The following ZNF581 variants were observed in gnomAD, a reference collection of about 807,000 sequenced individuals.
ZNF581 encodes the protein zinc finger protein 581.
ZNF581 carries 1 observed loss-of-function variant against 1.2 expected under a neutral mutation model. The observed-to-expected ratio is 0.83, with a 90% CI of 0.30 to 3.95. ZNF581 has a LOEUF of 3.95. Ranked by LOEUF, ZNF581 falls within the 30% of genes most tolerant of loss-of-function variation. ZNF581 has a pLI of 0.18. For missense variants in ZNF581, 273 were observed against 274.6 expected, an observed-to-expected ratio of 0.99 and a Z score of 0.04; for synonymous variants, 105 against 109.2, an observed-to-expected ratio of 0.96 and a Z score of 0.24.
upstream of ZNF581, among the ~76,000 whole-genome samples, chr19:55,636,448 A>G (rs984382386): frequency 6.6e-6 from 1 of 152,066 alleles, no homozygotes; most frequent in African/African-American, 2.4e-5. Flanking sequence ...CTTGGGGTTG[A>G]GCAGGGGTTC....
rs979890517 is a variant in ZNF581, at chr19:55,644,022, C to G, written c.-20+248C>G. Among the ~76,000 whole-genome samples the G allele has an allele frequency of 2.0e-5, 3 of 152,194 alleles. No homozygotes were observed. Among genetic ancestry groups the G allele is most frequent in the Admixed American group, 6.5e-5 (1 of 15,274 alleles). Reference sequence around the variant, plus strand: ...AGGCCGGGCGAGGACTAGAGAGAACCTGAGGTGGGTGGACGGGTGGGAGCA... The same window carrying G: ...AGGCCGGGCGAGGACTAGAGAGAACGTGAGGTGGGTGGACGGGTGGGAGCA... On this transcript the variant is annotated intron_variant, in intron 1 of 1. Transcript: ENST00000270451. The surrounding 1 kb of genome is among the most constrained non-coding windows in gnomAD (Gnocchi z 4.3).
At chr19:55,642,827 C>G (rs780485166), upstream of ZNF581, 3 of 1,575,302 alleles carry the variant, frequency 1.9e-6, no homozygotes, top group African/African-American at 4.1e-5. Flanking sequence ...CCCTCTGCGG[C>G]TGCAGAGCCA....
chr19:55,636,672 G>C (rs190624427), upstream of ZNF581, among the ~76,000 whole-genome samples: 1 of 152,088 alleles, frequency 6.6e-6, no homozygotes, highest in Admixed American at 6.6e-5. Context: ...GTAGATCAAC[G>C]AGGCCATATC....
At chr19:55,643,152 GTTTC>G (rs750767686), upstream of ZNF581, 1 of 1,262,320 alleles carries the variant, frequency 7.9e-7, no homozygotes, top group Non-Finnish European at 1.0e-6. Flanking sequence ...CTGGGCCTCA[GTTTC>G]CCCACCTTCC....
chr19:55,643,441 C>T (rs1485645251), upstream of ZNF581: 3 of 206,480 alleles, frequency 1.5e-5, no homozygotes, highest in East Asian at 2.5e-4. Context: ...ACGCCCCCGA[C>T]CCTTTGCTCA....
At chr19:55,643,003 G>A, upstream of ZNF581, 1 of 1,365,606 alleles carries the variant, frequency 7.3e-7, no homozygotes. Context: ...CCGCGGAGCT[G>A]GCGCAGCACG....
upstream of ZNF581, chr19:55,640,463 C>T (rs1281272601): frequency 5.1e-6 from 5 of 985,378 alleles, no homozygotes; most frequent in East Asian, 2.3e-4. Context: ...TCACACCTCC[C>T]CACCTGCGCA....
upstream of ZNF581, chr19:55,640,135 C>T (rs988089520): frequency 4.1e-6 from 4 of 985,474 alleles, no homozygotes; most frequent in Non-Finnish European, 4.8e-6. Flanking sequence ...GCTGCACCTG[C>T]AGATGCTGCT....
upstream of ZNF581, chr19:55,641,909 C>A: frequency 3.1e-6 from 1 of 322,682 alleles, no homozygotes; most frequent in Non-Finnish European, 4.4e-6. Context: ...GTTAGTGGGG[C>A]TCTGGGGAGG....
At chr19:55,636,957 A>G (rs1982128645), upstream of ZNF581, among the ~76,000 whole-genome samples, 3 of 152,102 alleles carry the variant, frequency 2.0e-5, no homozygotes, top group South Asian at 6.2e-4. Flanking sequence ...CTGGGGGGCC[A>G]GTCTACGCAG....
At chr19:55,638,049 T>G (rs969989761), upstream of ZNF581, among the ~76,000 whole-genome samples, 2 of 152,156 alleles carry the variant, frequency 1.3e-5, no homozygotes, top group Non-Finnish European at 2.9e-5. Flanking sequence ...TACCTGAGGC[T>G]GGGTAATTTA....
At chr19:55,635,155 C>T (rs1003291421), upstream of ZNF581, 2 of 152,262 alleles carry the variant, frequency 1.3e-5, no homozygotes, top group Non-Finnish European at 2.9e-5. Flanking sequence ...GCCCCCAGGG[C>T]AGTGGGCGTT....
At chr19:55,640,136 A>T (rs1452761377), upstream of ZNF581, 1 of 985,344 alleles carries the variant, frequency 1.0e-6, no homozygotes. Context: ...CTGCACCTGC[A>T]GATGCTGCTG....
Position 55,645,310 on chromosome 19 carries a change from C to CTT in ZNF581, c.*146_*147insTT. 3.1e-6 allele frequency: 2 copies of CTT among 646,198 alleles called. No individual in the cohort carries two copies. Among genetic ancestry groups the CTT allele is most frequent in the Non-Finnish European group, 4.9e-6 (2 of 405,400 alleles). 40.0% of individuals were successfully genotyped at this position (646,198 alleles called of 1,614,324 possible). A position where few individuals can be genotyped will look rare whatever the true frequency, so the allele number is the denominator to read the frequency against. ...CCGCATCTCAAAGGCAGAGCCCTGC[C>CTT]TGAAGGAGGAATCCGTGAGTAATCT... On this transcript the variant is annotated 3_prime_UTR_variant, in exon 2 of 2. Coordinates refer to ENST00000270451, the MANE Select transcript of ZNF581 (RefSeq NM_016535.4).
upstream of ZNF581, chr19:55,642,339 G>T: frequency 1.6e-6 from 2 of 1,265,840 alleles, no homozygotes; most frequent in Non-Finnish European, 2.0e-6. Context: ...TGGAACGTGG[G>T]AGAGCCGGGC....
upstream of ZNF581, among the ~76,000 whole-genome samples, chr19:55,639,370 C>T (rs1373491218): frequency 6.6e-6 from 1 of 152,184 alleles, no homozygotes. Flanking sequence ...ATCACTTGTG[C>T]CTGGGAGGGT....
upstream of ZNF581, chr19:55,642,192 A>G: frequency 8.8e-7 from 1 of 1,134,234 alleles, no homozygotes; most frequent in South Asian, 4.2e-5. Context: ...GTGGGTTGAG[A>G]GGAGAAAAGG....
upstream of ZNF581, among the ~76,000 whole-genome samples, chr19:55,637,452 G>A (rs557274776): frequency 3.7e-4 from 57 of 152,212 alleles, no homozygotes; most frequent in Admixed American, 8.5e-4. Context: ...CGGGAGAATC[G>A]CTTGAACCTG....
chr19:55,644,176 C>T lies in ZNF581; in HGVS notation c.-19-377C>T, dbSNP rs1982714311. 6.6e-6 allele frequency among the ~76,000 whole-genome samples: 1 copy of T among 151,884 alleles called. No individual in the cohort carries two copies. The highest frequency in any genetic ancestry group is 1.5e-5 in the Non-Finnish European group (1 of 67,966). The stretch of plus-strand genomic sequence containing the variant: ...GGCTTGAGTATGTAGCATAGGCCAA[C>T]ACGCAGACCCTGGAAAGGGCTAGAA... On this transcript the variant is annotated intron_variant, in intron 1 of 1. Transcript: ENST00000270451. This position sits in a 1 kb window ranked among gnomAD's most constrained non-coding sequence, Gnocchi z 4.3.
Sources: allele counts gnomAD v4.1 joint callset (sites outside exome capture counted in the v4.1 genomes callset), GRCh38; gene constraint gnomAD v4.1.1; non-coding constraint Gnocchi (gnomAD v3.1); transcripts MANE v1.5; gene names NCBI Gene and HGNC (gene_info 2026-07-23, HGNC 2026-07-21).